The following RAB8B variants were observed in gnomAD, a reference collection of about 807,000 sequenced individuals.
RAB8B encodes the protein ras-related protein Rab-8B.
Under a neutral mutation model 32.0 loss-of-function variants are expected in RAB8B, and 11 were observed. The ratio of observed to expected loss-of-function variants is 0.34; its 90% CI spans 0.22 to 0.57. The LOEUF (loss-of-function observed/expected upper bound fraction) is 0.57. Among genes scored for constraint, RAB8B ranks in the 20% least tolerant of loss-of-function variants. The pLI is 0.86. For missense variants in RAB8B, 190 were observed against 258.5 expected, an observed-to-expected ratio of 0.73 and a Z score of 1.82; for synonymous variants, 103 against 89.6, an observed-to-expected ratio of 1.15 and a Z score of -0.85.
chr15:63,238,560 G>T (rs2038003999), intron 1 of RAB8B, among the ~76,000 whole-genome samples: 1 of 152,114 alleles, frequency 6.6e-6, no homozygotes, highest in Non-Finnish European at 1.5e-5. Flanking sequence ...TAGTAGTGCA[G>T]CTCTTTCATA....
chr15:63,201,337 C>G (rs760567627), intron 1 of RAB8B, among the ~76,000 whole-genome samples: 1 of 152,092 alleles, frequency 6.6e-6, no homozygotes, highest in African/African-American at 2.4e-5. Flanking sequence ...AGATTGGACC[C>G]CAAAGGAGGA....
At chr15:63,227,510 A>G (rs976549766) in intron 1 of RAB8B, among the ~76,000 whole-genome samples, 1 of 152,250 alleles carries the variant, frequency 6.6e-6, no homozygotes. Context: ...TGAAGTTAAC[A>G]TTGTAAAATA....
chr15:63,217,946 A>G (rs528548725), intron 1 of RAB8B, among the ~76,000 whole-genome samples: 18 of 152,342 alleles, frequency 1.2e-4, no homozygotes, highest in African/African-American at 3.4e-4. Context: ...ACTTAGAACT[A>G]TAGAGCTAAA....
intron 3 of RAB8B, among the ~76,000 whole-genome samples, chr15:63,253,672 G>A (rs1278771480): frequency 1.3e-5 from 2 of 151,420 alleles, no homozygotes; most frequent in East Asian, 1.9e-4. Flanking sequence ...AAGAAAGAAA[G>A]AAAAAAAAGA....
At chr15:63,227,664 C>G (rs1195033278) in intron 1 of RAB8B, among the ~76,000 whole-genome samples, 1 of 152,240 alleles carries the variant, frequency 6.6e-6, no homozygotes, top group Non-Finnish European at 1.5e-5. Flanking sequence ...ACCCTCTGAA[C>G]CCCTGGATTT....
intron 1 of RAB8B, among the ~76,000 whole-genome samples, chr15:63,196,417 G>A (rs1315574452): frequency 6.6e-6 from 1 of 152,238 alleles, no homozygotes; most frequent in Non-Finnish European, 1.5e-5. Context: ...TGAATTAAGA[G>A]CAATGGGCAT....
chr15:63,262,674 G>T lies in RAB8B; in HGVS notation c.481-18G>T, dbSNP rs1457975890. The T allele has an allele frequency of 8.4e-6, 10 of 1,197,558 alleles. No homozygotes were observed. The highest frequency in any genetic ancestry group is 1.1e-5 in the Non-Finnish European group (10 of 895,018). The allele number at this position is 1,197,558 out of a possible 1,614,324, so 74.2% of individuals were successfully genotyped here. A position where few individuals can be genotyped will look rare whatever the true frequency, so the allele number is the denominator to read the frequency against. Reference sequence around the variant, plus strand: ...ATAGTGAATATATAATAATGAAAATGTTTTGTTTTACCTATAGGCATTTTT... The same window carrying T: ...ATAGTGAATATATAATAATGAAAATTTTTTGTTTTACCTATAGGCATTTTT... On this transcript the variant is annotated intron_variant, in intron 6 of 7. Coordinates refer to ENST00000321437, the MANE Select transcript of RAB8B (RefSeq NM_016530.3).
At chr15:63,211,841 T>G (rs576085548) in intron 1 of RAB8B, among the ~76,000 whole-genome samples, 19 of 152,070 alleles carry the variant, frequency 1.2e-4, no homozygotes, top group African/African-American at 3.9e-4. Flanking sequence ...TGTTTTTTTC[T>G]TTTTTTTAGA....
intron 1 of RAB8B, among the ~76,000 whole-genome samples, chr15:63,195,813 G>T (rs2037595361): frequency 6.6e-6 from 1 of 152,198 alleles, no homozygotes; most frequent in Non-Finnish European, 1.5e-5. Context: ...TGGGGAAGTA[G>T]ATTTTAGGTG....
At chr15:63,200,078 T>C (rs564535779) in intron 1 of RAB8B, among the ~76,000 whole-genome samples, 1 of 152,346 alleles carries the variant, frequency 6.6e-6, no homozygotes, top group East Asian at 1.9e-4. Flanking sequence ...ACTTTTCTGA[T>C]CATGAAGGGT....
At chr15:63,234,148 A>C (rs895835237) in intron 1 of RAB8B, among the ~76,000 whole-genome samples, 2 of 152,152 alleles carry the variant, frequency 1.3e-5, no homozygotes, top group South Asian at 2.1e-4. Flanking sequence ...TCAAAGCAGG[A>C]GAGCTGTGTG....
intron 3 of RAB8B, chr15:63,251,357 A>G: frequency 2.2e-6 from 1 of 455,504 alleles, no homozygotes; most frequent in South Asian, 1.6e-5. Context: ...TTCTGATTAG[A>G]GGCATCTTAG....
rs1427765584 is a variant in RAB8B at position 63,265,182 on chromosome 15, G to A, written c.*1563G>A. 6.6e-6 allele frequency: 1 copy of A among 152,354 alleles called. No individual in the cohort carries two copies. The highest frequency in any genetic ancestry group is 1.9e-4 in the East Asian group (1 of 5,208). The allele number at this position is 152,354 out of a possible 1,614,324, so 9.4% of individuals were successfully genotyped here. The stretch of plus-strand genomic sequence containing the variant: ...TCATGCTGGATAGATAAGAACAGGA[G>A]ATGGCAGTGGAAAGGGATTGCTTGT... On this transcript the variant is annotated 3_prime_UTR_variant, in exon 8 of 8. Transcript: ENST00000321437. The surrounding 1 kb of genome is among the most constrained non-coding windows in gnomAD (Gnocchi z 4.9).
At position 63,263,629 on chromosome 15, in the gene RAB8B, T is replaced by C; in HGVS notation, c.*10T>C. ...TTGCTCGCTACTTTGATGAACTCTT[T>C]CTGAGAGACTGCAGCACACCTAGAG... On this transcript the variant is annotated 3_prime_UTR_variant, in exon 8 of 8. Transcript: ENST00000321437. The C allele has an allele frequency of 1.9e-6, 3 of 1,586,956 alleles. No individual in the cohort carries two copies. Among genetic ancestry groups the C allele is most frequent in the South Asian group, 1.1e-5 (1 of 90,442 alleles).
intron 3 of RAB8B, chr15:63,251,286 A>G: frequency 2.2e-6 from 1 of 456,072 alleles, no homozygotes; most frequent in South Asian, 1.5e-5. Context: ...TCCCCCAGGA[A>G]GGAATTTTAG....
chr15:63,197,975 G>A (rs917450508), intron 1 of RAB8B, among the ~76,000 whole-genome samples: 2 of 152,140 alleles, frequency 1.3e-5, no homozygotes, highest in African/African-American at 4.8e-5. Flanking sequence ...TTCAATATTA[G>A]TAATATTATT....
At position 63,264,430 on chromosome 15, in the gene RAB8B, G is replaced by T. The variant is rs1029847128; in HGVS notation, c.*811G>T. On this transcript the variant is annotated 3_prime_UTR_variant, in exon 8 of 8. Transcript: ENST00000321437. The stretch of plus-strand genomic sequence containing the variant: ...AACATTATTATCTGTTTCTATTTGT[G>T]AACTTCTTGAGCTGAAATTTTACGT... 6.6e-5 allele frequency: 10 copies of T among 152,134 alleles called. No individual in the cohort carries two copies. The highest frequency in any genetic ancestry group is 2.2e-4 in the African/African-American group (9 of 41,428). 9.4% of individuals were successfully genotyped at this position (152,134 alleles called of 1,614,324 possible).
chr15:63,193,802 C>T (rs371446902), intron 1 of RAB8B, among the ~76,000 whole-genome samples: 10 of 149,038 alleles, frequency 6.7e-5, no homozygotes, highest in East Asian at 3.8e-4. Context: ...CAGAGCAAGA[C>T]TCCATCTCAA....
At chr15:63,249,233 C>T (rs2038095266) in intron 2 of RAB8B, among the ~76,000 whole-genome samples, 2 of 152,006 alleles carry the variant, frequency 1.3e-5, no homozygotes. Context: ...ATACAGAAAT[C>T]AGACATTCAG....
Sources: gnomAD v4.1 joint callset for allele counts (sites outside exome capture counted in the v4.1 genomes callset) on GRCh38, gnomAD v4.1.1 for gene constraint, Gnocchi (gnomAD v3.1) non-coding constraint, MANE v1.5 for transcripts, NCBI Gene and HGNC (gene_info 2026-07-23, HGNC 2026-07-21) for gene names.